Variants in IL17RD observed in about 807,000 individuals in gnomAD.
IL17RD encodes the protein interleukin 17 receptor D.
A neutral mutation model predicts 80.5 loss-of-function variants in IL17RD; 52 were observed. The ratio of observed to expected loss-of-function variants is 0.65; its 90% confidence interval spans 0.52 to 0.81. The LOEUF (loss-of-function observed/expected upper bound fraction) is 0.81. IL17RD is among the 40% of genes least tolerant of loss of function. The pLI, the probability that IL17RD is intolerant of heterozygous loss-of-function variation, is 0.00. For missense variants in IL17RD, 1,024 were observed against 955.1 expected (o/e 1.07, Z -0.95); for synonymous variants, 416 against 391.8 (o/e 1.06, Z -0.73).
intron 1 of IL17RD, among the ~76,000 whole-genome samples, chr3:57,153,080 G>A (rs1445048276): frequency 6.6e-6 from 1 of 152,176 alleles, no homozygotes; most frequent in Non-Finnish European, 1.5e-5. Context: ...CAGTGTGGTT[G>A]ATTTCAAATA....
In IL17RD at chr3:57,091,399, A is replaced by G. The variant is rs190557962; in HGVS notation, c.*4994T>C. 3.3e-5 allele frequency: 5 copies of G among 152,738 alleles called. No homozygotes were observed. The East Asian group carries it at 9.6e-4, about 29-fold the overall frequency. The allele number at this position is 152,738 out of a possible 1,614,324, so 9.5% of individuals were successfully genotyped here. ...TATAGGTGACATATCATTTTGTGAA[A>G]GTGCCATTATATTTTTAAGTGGTAA... On this transcript the variant is annotated 3_prime_UTR_variant, in exon 13 of 13. Coordinates refer to ENST00000296318, the MANE Select transcript of IL17RD (RefSeq NM_017563.5).
At chr3:57,111,906 GAGCTGAGATCATGCC>G (rs1033615799) in intron 3 of IL17RD, among the ~76,000 whole-genome samples, 4 of 150,980 alleles carry the variant, frequency 2.6e-5, no homozygotes, top group African/African-American at 9.8e-5. Flanking sequence ...AGCTTGCAGT[GAGCTGAGATCATGCC>G]ACTGCACTCC....
intron 1 of IL17RD, among the ~76,000 whole-genome samples, chr3:57,130,315 C>A (rs896628287): frequency 6.6e-6 from 1 of 152,194 alleles, no homozygotes; most frequent in Non-Finnish European, 1.5e-5. Flanking sequence ...TCAAAGGGTG[C>A]ATCTTGGCTT....
intron 1 of IL17RD, among the ~76,000 whole-genome samples, chr3:57,153,448 T>C (rs557948710): frequency 1.6e-4 from 25 of 152,318 alleles, no homozygotes; most frequent in Non-Finnish European, 3.1e-4. Flanking sequence ...CTCTTCAGAA[T>C]GTGTAGGCTA....
At chr3:57,148,039 G>A (rs185127849) in intron 1 of IL17RD, among the ~76,000 whole-genome samples, 2 of 144,832 alleles carry the variant, frequency 1.4e-5, no homozygotes, top group East Asian at 4.1e-4. Context: ...AAAGAATGTT[G>A]GGCACGGTGG....
Position 57,165,202 on chromosome 3 carries a change from C to A in IL17RD, c.85G>T (p.Gly29Trp), listed in dbSNP as rs1184997892. 3 of 1,530,056 alleles carry A rather than the reference C, an allele frequency of 2.0e-6. No homozygotes were observed. The highest frequency in any genetic ancestry group is 1.8e-6 in the Non-Finnish European group (2 of 1,139,300). The allele number at this position is 1,530,056 out of a possible 1,614,324, so 94.8% of individuals were successfully genotyped here. ...TCGGCGCCCCGCGCGCGGCCGGACC[C>A]GCCAGCGGCCACAGCCAGCTGCGAG... ...NGSQLAVAAG[G>W]SGRARGADTC... Residue 29 changes from glycine to tryptophan, a missense_variant, in exon 1 of 13, where the codon GGG becomes TGG. Physicochemically the swap from Gly to Trp is radical, Grantham distance 184. Transcript: ENST00000296318.
At chr3:57,127,329 TATATATAAAA>T (rs1231381728) in intron 1 of IL17RD, among the ~76,000 whole-genome samples, 5 of 99,050 alleles carry the variant, frequency 5.0e-5, no homozygotes, top group African/African-American at 2.4e-4. Flanking sequence ...TATATATAAA[TATATATAAAA>T]ATATATATAA....
chr3:57,140,775 AC>A (rs1190808711), intron 1 of IL17RD, among the ~76,000 whole-genome samples: 1 of 152,198 alleles, frequency 6.6e-6, no homozygotes, highest in Non-Finnish European at 1.5e-5. Context: ...ATTTCCAGAC[AC>A]CCAGAACAGG....
chr3:57,114,624 T>G (rs1350419264), intron 3 of IL17RD, 68 bp downstream of exon 3: 1 of 1,464,280 alleles, frequency 6.8e-7, no homozygotes, highest in African/African-American at 1.4e-5. Flanking sequence ...GAGACCATCA[T>G]GTGGGACCTT....
chr3:57,113,521 G>A (rs1431098466), intron 3 of IL17RD, among the ~76,000 whole-genome samples: 3 of 152,148 alleles, frequency 2.0e-5, no homozygotes, highest in African/African-American at 7.2e-5. Context: ...ACAGGCATGA[G>A]CCACCACGCC....
intron 1 of IL17RD, among the ~76,000 whole-genome samples, chr3:57,142,258 G>T (rs1396110998): frequency 6.6e-6 from 1 of 152,136 alleles, no homozygotes; most frequent in Non-Finnish European, 1.5e-5. Context: ...TTCAGTTTTT[G>T]CTTGGAAAAA....
chr3:57,134,245 T>C (rs6803905), intron 1 of IL17RD: 181,080 of 688,312 alleles, frequency 0.26, 28,970 homozygotes, highest in East Asian at 0.59. Context: ...AATGCCAACT[T>C]CCATCAGCAG....
chr3:57,154,686 C>T (rs1281317190), intron 1 of IL17RD, among the ~76,000 whole-genome samples: 1 of 152,192 alleles, frequency 6.6e-6, no homozygotes, highest in Non-Finnish European at 1.5e-5. Context: ...TCACCTTGGG[C>T]ATGCCAGCAC....
At chr3:57,152,175 G>A (rs1412047175) in intron 1 of IL17RD, among the ~76,000 whole-genome samples, 1 of 152,130 alleles carries the variant, frequency 6.6e-6, no homozygotes, top group Non-Finnish European at 1.5e-5. Flanking sequence ...ACCAAGCAAA[G>A]GCAAGCTGCC....
At chr3:57,150,024 G>T (rs984432145) in intron 1 of IL17RD, among the ~76,000 whole-genome samples, 1 of 152,152 alleles carries the variant, frequency 6.6e-6, no homozygotes, top group Non-Finnish European at 1.5e-5. Flanking sequence ...AAATTCCCTT[G>T]TACTGCCCCT....
rs1023138683 is a variant in IL17RD, at chr3:57,097,700, G to A, written c.2003C>T (p.Ser668Phe). The change falls in exon 12 of 13, where the codon TCT (serine) becomes TTT (phenylalanine). Residue 668 changes from serine to phenylalanine, a missense_variant. Ser to Phe is a radical substitution (Grantham distance 155, BLOSUM62 -2). Transcript: ENST00000296318. ...CAGAGACAGCTCGGATGAGGGCACA[G>A]ACGAGTCATAGATGCCTGAGTCCCG... is the stretch of plus-strand genomic sequence containing the variant. ...MPRDSGIYDS[S>F]VPSSELSLPL... 5 of 1,605,840 alleles carry A rather than the reference G, an allele frequency of 3.1e-6. No homozygotes were observed. The highest frequency in any genetic ancestry group is 1.7e-4 in the Middle Eastern group (1 of 6,046).
At chr3:57,145,922 G>A (rs561818780) in intron 1 of IL17RD, among the ~76,000 whole-genome samples, 13 of 152,206 alleles carry the variant, frequency 8.5e-5, no homozygotes, top group African/African-American at 2.9e-4. Flanking sequence ...GCCCAAGATC[G>A]GGATTTTTTT....
intron 1 of IL17RD, among the ~76,000 whole-genome samples, chr3:57,148,378 C>G (rs9808975): frequency 0.097 from 14,596 of 150,750 alleles, 2,372 homozygotes; most frequent in African/African-American, 0.33. Flanking sequence ...TAATTTTAAA[C>G]CTACCTCCCC....
At chr3:57,132,502 G>T (rs1403061877) in intron 1 of IL17RD, among the ~76,000 whole-genome samples, 1 of 152,008 alleles carries the variant, frequency 6.6e-6, no homozygotes, top group Admixed American at 6.6e-5. Context: ...AATTCTAATG[G>T]GGGAGGGAAG....
Sources: allele counts gnomAD v4.1 joint callset (sites outside exome capture counted in the v4.1 genomes callset), GRCh38; gene constraint gnomAD v4.1.1; transcripts MANE v1.5; gene names NCBI Gene and HGNC (gene_info 2026-07-23, HGNC 2026-07-21).